The following MYO1C variants were observed in gnomAD, a reference collection of about 807,000 sequenced individuals.
MYO1C encodes unconventional myosin-Ic.
MYO1C carries 104 observed loss-of-function variants against 150.8 expected under a neutral mutation model. The observed-to-expected ratio is 0.69, with a 90% CI of 0.59 to 0.81. MYO1C has a LOEUF of 0.81. Ranked by LOEUF, MYO1C falls within the 30% of genes least tolerant of loss-of-function variation. The pLI is 0.00. For missense variants in MYO1C, 1,504 were observed against 1,435.0 expected, an observed-to-expected ratio of 1.05 and a Z score of -0.78; for synonymous variants, 663 against 579.9, an observed-to-expected ratio of 1.14 and a Z score of -2.06.
chr17:1,475,457 C>T (rs1033128554), intron 14 of MYO1C, among the ~76,000 whole-genome samples: 4 of 152,094 alleles, frequency 2.6e-5, no homozygotes, highest in Non-Finnish European at 4.4e-5. Context: ...CCAGTGGCCT[C>T]CCTGATCAGA....
chr17:1,471,591 G>A (rs2074304922), intron 19 of MYO1C, among the ~76,000 whole-genome samples: 1 of 152,214 alleles, frequency 6.6e-6, no homozygotes, highest in South Asian at 2.1e-4. Flanking sequence ...CCACAAAGCT[G>A]CTCCACCCTT....
In MYO1C at chr17:1,480,876, C is replaced by A. The variant is rs765878622; in HGVS notation, c.637G>T (p.Val213Leu). 1.2e-6 allele frequency: 2 copies of A among 1,613,850 alleles called. No homozygotes were observed. Among genetic ancestry groups the A allele is most frequent in the South Asian group, 1.1e-5 (1 of 91,080 alleles). The change falls in exon 6 of 32, where the codon GTG (valine) becomes TTG (leucine). Residue 213 changes from valine (V) to leucine (L), a missense_variant. Val to Leu is a conservative substitution (Grantham distance 32, BLOSUM62 1). Transcript: ENST00000648651. ...AGGTAACTGAGGATGTGGCCACCCA[C>A]GGGGGCACCCTGTGGGCAGGGCAGG... Reference protein sequence around the residue: ...DVQFDFKGAPVGGHILSYLLE... With the variant: ...DVQFDFKGAPLGGHILSYLLE...
intron 1 of MYO1C, among the ~76,000 whole-genome samples, chr17:1,490,052 AAAG>A (rs1455730013): frequency 1.8e-4 from 28 of 151,540 alleles, no homozygotes; most frequent in Non-Finnish European, 3.5e-4. Flanking sequence ...AAAAAAAAAA[AAAG>A]AGGGCCTTTG....
chr17:1,475,847 G>T (rs1356780801), intron 14 of MYO1C, among the ~76,000 whole-genome samples: 1 of 152,218 alleles, frequency 6.6e-6, no homozygotes, highest in Non-Finnish European at 1.5e-5. Context: ...AGAGAGGGGA[G>T]TATCTGTGGG....
At chr17:1,475,229 GT>G (rs1033445176) in intron 14 of MYO1C, among the ~76,000 whole-genome samples, 197 bp from the exon 15 acceptor site, 5 of 152,200 alleles carry the variant, frequency 3.3e-5, no homozygotes, top group African/African-American at 1.2e-4. Flanking sequence ...GACCAGCTTG[GT>G]CAATATGGTG....
Position 1,467,858 on chromosome 17 carries a change from A to T in MYO1C, c.2949T>A (p.Arg983=), listed in dbSNP as rs781409121. 8.2e-6 allele frequency: 13 copies of T among 1,591,034 alleles called. No homozygotes were observed. Among genetic ancestry groups the T allele is most frequent in the Non-Finnish European group, 9.4e-6 (11 of 1,168,624 alleles). The change falls in exon 29 of 32, where the codon CGT becomes CGA. Residue 983 remains arginine, a synonymous_variant. Transcript: ENST00000648651. ...SDSLFVLHVQ[R]ADNKQKGDVV... The stretch of plus-strand genomic sequence containing the variant: ...AAGGCACCTTTTGCTTATTGTCCGC[A>T]CGCTGTACATGAAGCACAAAAAGAC...
chr17:1,491,449 C>CT (rs1555524117), intron 1 of MYO1C, among the ~76,000 whole-genome samples: 3 of 60,972 alleles, frequency 4.9e-5, no homozygotes, highest in African/African-American at 1.7e-4. Flanking sequence ...GTCGTGGGAC[C>CT]CCCCCCCCCC....
At chr17:1,469,908 G>A (rs1351100682) in intron 24 of MYO1C, among the ~76,000 whole-genome samples, 6 of 151,990 alleles carry the variant, frequency 3.9e-5, no homozygotes, top group African/African-American at 1.4e-4. Context: ...AGTGGCGGGC[G>A]CCTGTAGTCC....
intron 17 of MYO1C, among the ~76,000 whole-genome samples, chr17:1,472,806 G>A (rs2074330960): frequency 6.6e-6 from 1 of 152,126 alleles, no homozygotes; most frequent in Admixed American, 6.5e-5. Flanking sequence ...GGATAAGGAG[G>A]AGGGGCGGGT....
intron 31 of MYO1C, among the ~76,000 whole-genome samples, chr17:1,466,127 G>A (rs975474386): frequency 2.9e-5 from 4 of 140,258 alleles, no homozygotes; most frequent in Non-Finnish European, 1.5e-5. Flanking sequence ...ATCAGCCTAT[G>A]TATCTTCCCT....
In MYO1C at chr17:1,469,611, A is replaced by C. The variant is rs1294741750; in HGVS notation, c.2530T>G (p.Ser844Ala). ...ATGCACAACTCCCGCAGAAGCTCTG[A>C]GGCCTAAGGGGAGGAGTGAGGTCAG... ...PTPPPALREA[S>A]ELLRELCIKN... Residue 844 changes from serine (S) to alanine (A), a missense_variant, in exon 25 of 32, where the codon TCA (serine) becomes GCA (alanine). Coordinates refer to ENST00000648651, the MANE Select transcript of MYO1C (RefSeq NM_001080779.2). The C allele has an allele frequency of 6.2e-7, 1 of 1,611,100 alleles. No homozygotes were observed. The highest frequency in any genetic ancestry group is 1.3e-5 in the African/African-American group (1 of 74,994).
At chr17:1,475,878 G>A (rs561191639) in intron 14 of MYO1C, among the ~76,000 whole-genome samples, 1 of 152,262 alleles carries the variant, frequency 6.6e-6, no homozygotes, top group South Asian at 2.1e-4. Flanking sequence ...TCCAGGAAGT[G>A]TTCTGAGGAA....
chr17:1,488,825 C>A (rs1421483741), intron 1 of MYO1C, among the ~76,000 whole-genome samples: 3 of 152,188 alleles, frequency 2.0e-5, no homozygotes, highest in Non-Finnish European at 4.4e-5. Context: ...GAGACTTCTT[C>A]CCCAAGGCTG....
chr17:1,491,867 C>T (rs1598352512), intron 1 of MYO1C: 1 of 170,806 alleles, frequency 5.9e-6, no homozygotes, highest in Non-Finnish European at 1.2e-5. Context: ...CGGCCGAAGA[C>T]CCGGCTCCCC....
intron 5 of MYO1C, chr17:1,481,371 C>T: frequency 5.5e-6 from 1 of 180,826 alleles, no homozygotes; most frequent in Non-Finnish European, 1.2e-5. Context: ...CTGCACCACA[C>T]TGGTCTGAGC....
chr17:1,485,262 A>G (rs1484514102), intron 1 of MYO1C: 121 of 1,163,268 alleles, frequency 1.0e-4, no homozygotes, highest in Non-Finnish European at 1.3e-4. Context: ...GGACACCCAG[A>G]GTATCCAGGG....
chr17:1,467,876 A>G lies in MYO1C; in HGVS notation c.2931T>C (p.Phe977=). Residue 977 remains phenylalanine, a synonymous_variant, in exon 29 of 32, where the codon TTT becomes TTC. Coordinates refer to ENST00000648651, the MANE Select transcript of MYO1C (RefSeq NM_001080779.2). ...ISVSSLSDSL[F]VLHVQRADNK... ...TGTCCGCACGCTGTACATGAAGCAC[A>G]AAAAGACTGTCGCTCAGGCTGCTGA... 6.2e-7 allele frequency: 1 copy of G among 1,609,282 alleles called. No homozygotes were observed. The highest frequency in any genetic ancestry group is 8.5e-7 in the Non-Finnish European group (1 of 1,178,820).
chr17:1,484,334 G>T, intron 1 of MYO1C, 31 bp from the exon 2 acceptor site: 3 of 1,604,574 alleles, frequency 1.9e-6, no homozygotes, highest in Non-Finnish European at 2.5e-6. Context: ...AAGAGGGTCA[G>T]AGTCATCGGG....
intron 7 of MYO1C, 62 bp downstream of exon 7, chr17:1,480,465 A>G: frequency 6.9e-7 from 1 of 1,439,574 alleles, no homozygotes; most frequent in Non-Finnish European, 9.8e-7. Context: ...TAAAAAACAA[A>G]AAAAAAAGGA....
Sources: allele counts gnomAD v4.1 joint callset (sites outside exome capture counted in the v4.1 genomes callset), GRCh38; gene constraint gnomAD v4.1.1; transcripts MANE v1.5; gene names NCBI Gene and HGNC (gene_info 2026-07-23, HGNC 2026-07-21).